The following ADAMTSL1 variants were observed in gnomAD, a reference collection of about 807,000 sequenced individuals.
ADAMTSL1 encodes ADAMTS like 1.
A neutral mutation model predicts 201.8 loss-of-function variants in ADAMTSL1; 126 were observed. That is an observed-to-expected ratio of 0.62 (90% CI 0.54 to 0.72). The LOEUF (loss-of-function observed/expected upper bound fraction) is 0.72. ADAMTSL1 is among the 30% of genes least tolerant of loss of function. ADAMTSL1 has a pLI of 0.00. For synonymous variants in ADAMTSL1, 1,121 were observed against 903.4 expected (o/e 1.24, Z -4.32); for missense variants, 2,679 against 2,277.8 (o/e 1.18, Z -3.59).
At chr9:17,970,938 T>A (rs1402065958) in intron 1 of ADAMTSL1, among the ~76,000 whole-genome samples, 3 of 152,128 alleles carry the variant, frequency 2.0e-5, no homozygotes, top group African/African-American at 7.2e-5. Flanking sequence ...ATGTATGCAA[T>A]CATAAACATG....
chr9:18,843,331 ATTC>A (rs1563849908), intron 23 of ADAMTSL1, among the ~76,000 whole-genome samples: 1 of 150,924 alleles, frequency 6.6e-6, no homozygotes, highest in Admixed American at 6.6e-5. Flanking sequence ...TGGGTTGAAA[ATTC>A]TTTTCTTTAA....
At chr9:18,049,340 A>G (rs1821818785) in intron 1 of ADAMTSL1, among the ~76,000 whole-genome samples, 1 of 152,176 alleles carries the variant, frequency 6.6e-6, no homozygotes, top group South Asian at 2.1e-4. Flanking sequence ...TTCAGCATGA[A>G]AATTTGTCAG....
chr9:18,726,917 T>C (rs143757314), intron 15 of ADAMTSL1, among the ~76,000 whole-genome samples: 2 of 152,344 alleles, frequency 1.3e-5, no homozygotes, highest in East Asian at 3.9e-4. Context: ...CCCAGTCTCT[T>C]TTCTCAGACC....
At chr9:18,685,492 G>A (rs1280920035) in intron 13 of ADAMTSL1, among the ~76,000 whole-genome samples, 1 of 152,198 alleles carries the variant, frequency 6.6e-6, no homozygotes, top group Non-Finnish European at 1.5e-5. Context: ...TTTTACAAAC[G>A]AGGGGATACA....
intron 1 of ADAMTSL1, among the ~76,000 whole-genome samples, chr9:17,969,794 C>T (rs1007534296): frequency 1.3e-5 from 2 of 151,846 alleles, no homozygotes; most frequent in African/African-American, 4.8e-5. Flanking sequence ...AATATTATTT[C>T]CATTAGGCCA....
chr9:18,833,624 AT>A (rs571139820), intron 23 of ADAMTSL1, among the ~76,000 whole-genome samples: 287 of 151,572 alleles, frequency 1.9e-3, no homozygotes, highest in African/African-American at 6.5e-3. Flanking sequence ...CTTTGCAAAA[AT>A]TTTCTCCCAT....
chr9:18,076,519 A>T (rs1823232627), intron 1 of ADAMTSL1, among the ~76,000 whole-genome samples: 1 of 152,228 alleles, frequency 6.6e-6, no homozygotes, highest in African/African-American at 2.4e-5. Context: ...GATAATGAGG[A>T]AAGGGGCTTC....
chr9:18,360,413 G>C (rs58725882), intron 2 of ADAMTSL1, among the ~76,000 whole-genome samples: 1 of 152,154 alleles, frequency 6.6e-6, no homozygotes, highest in Non-Finnish European at 1.5e-5. Flanking sequence ...TCATTTGCTA[G>C]GTGTAAGATT....
chr9:18,254,847 C>G (rs1831621457), intron 2 of ADAMTSL1, among the ~76,000 whole-genome samples: 1 of 152,002 alleles, frequency 6.6e-6, no homozygotes, highest in Non-Finnish European at 1.5e-5. Flanking sequence ...CTTTGTTAAA[C>G]TTAAATCTGA....
chr9:18,783,266 C>T (rs1398014900), intron 19 of ADAMTSL1, among the ~76,000 whole-genome samples: 1 of 152,224 alleles, frequency 6.6e-6, no homozygotes, highest in Admixed American at 6.5e-5. Context: ...TTGTATTGAA[C>T]TCCAACTGGT....
chr9:18,354,415 A>G (rs1231005760), intron 2 of ADAMTSL1, among the ~76,000 whole-genome samples: 1 of 152,210 alleles, frequency 6.6e-6, no homozygotes, highest in African/African-American at 2.4e-5. Context: ...GTAGAGTGAT[A>G]TCTACATATG....
intron 2 of ADAMTSL1, among the ~76,000 whole-genome samples, chr9:18,429,852 C>G (rs924076356): frequency 6.6e-6 from 1 of 151,962 alleles, no homozygotes; most frequent in African/African-American, 2.4e-5. Context: ...TGCAGTGGTG[C>G]TATGTCGGCT....
At chr9:18,089,139 C>T (rs547429853) in intron 1 of ADAMTSL1, among the ~76,000 whole-genome samples, 2 of 152,000 alleles carry the variant, frequency 1.3e-5, no homozygotes, top group Middle Eastern at 3.4e-3. Flanking sequence ...GCGACAGGAG[C>T]GAAACTCTGT....
rs73644250 is a variant in ADAMTSL1, at chr9:18,579,717, A to G, written c.474+5451A>G. On this transcript the variant is annotated intron_variant, in intron 4 of 28. Coordinates refer to ENST00000380548, the MANE Select transcript of ADAMTSL1 (RefSeq NM_001040272.6). Reference sequence around the variant, plus strand: ...CCTATTGCAGTCATCTTTTGCAGATAGCTCCACATTGTACAATTATCAACT... The same window carrying G: ...CCTATTGCAGTCATCTTTTGCAGATGGCTCCACATTGTACAATTATCAACT... Among the ~76,000 whole-genome samples the G allele has an allele frequency of 5.6e-3, 854 of 152,308 alleles. 9 individuals carry two copies. The highest frequency in any genetic ancestry group is 0.02 in the African/African-American group (819 of 41,566).
chr9:18,458,656 T>A (rs992944011), intron 2 of ADAMTSL1, among the ~76,000 whole-genome samples: 1 of 152,220 alleles, frequency 6.6e-6, no homozygotes, highest in African/African-American at 2.4e-5. Flanking sequence ...CTATTGTGGC[T>A]TTATATACCG....
chr9:18,793,055 G>C (rs975550119), intron 19 of ADAMTSL1, among the ~76,000 whole-genome samples: 2 of 152,198 alleles, frequency 1.3e-5, no homozygotes, highest in African/African-American at 2.4e-5. Flanking sequence ...CAATGTTTCA[G>C]CTCTAGTTGA....
intron 15 of ADAMTSL1, among the ~76,000 whole-genome samples, chr9:18,741,748 T>C (rs375932346): frequency 2.0e-5 from 3 of 152,220 alleles, no homozygotes; most frequent in East Asian, 3.9e-4. Context: ...ATCTTTAGCA[T>C]CTGTCAGCCT....
At chr9:18,837,622 G>A (rs151231913) in intron 23 of ADAMTSL1, among the ~76,000 whole-genome samples, 13 of 152,214 alleles carry the variant, frequency 8.5e-5, no homozygotes, top group Admixed American at 2.0e-4. Context: ...CGCATTCTGC[G>A]CCATACTCAA....
intron 2 of ADAMTSL1, among the ~76,000 whole-genome samples, chr9:18,531,352 G>A (rs1482146417): frequency 3.9e-5 from 6 of 152,210 alleles, no homozygotes; most frequent in African/African-American, 1.2e-4. Flanking sequence ...GTCAGCATGA[G>A]TCATCTATGT....
Sources: allele counts gnomAD v4.1 joint callset (sites outside exome capture counted in the v4.1 genomes callset), GRCh38; gene constraint gnomAD v4.1.1; transcripts MANE v1.5; gene names NCBI Gene and HGNC (gene_info 2026-07-23, HGNC 2026-07-21).